The following FHL2 variants were observed in gnomAD, a reference collection of about 807,000 sequenced individuals.
The protein encoded by FHL2 is four and a half LIM domains protein 2.
FHL2 carries 20 observed loss-of-function variants against 32.7 expected under a neutral mutation model. The observed-to-expected ratio is 0.61, with a 90% CI of 0.43 to 0.89. FHL2 has a LOEUF of 0.89. Among genes scored for constraint, FHL2 ranks in the 40% least tolerant of loss-of-function variants. The probability of loss-of-function intolerance (pLI) is 0.00; values close to 1 mark genes in which losing one functional copy is unlikely to be tolerated. For synonymous variants in FHL2, 123 were observed against 128.1 expected, an observed-to-expected ratio of 0.96 and a Z score of 0.27; for missense variants, 311 against 358.6, an observed-to-expected ratio of 0.87 and a Z score of 1.07.
At chr2:105,389,242 G>T (rs932281037) in intron 2 of FHL2, among the ~76,000 whole-genome samples, 1 of 152,220 alleles carries the variant, frequency 6.6e-6, no homozygotes, top group African/African-American at 2.4e-5. Context: ...TTGAGCACTT[G>T]AATTATTATT....
intron 1 of FHL2, among the ~76,000 whole-genome samples, chr2:105,436,548 C>G (rs11883779): frequency 6.6e-6 from 1 of 151,692 alleles, no homozygotes; most frequent in Non-Finnish European, 1.5e-5. Context: ...TAGCAAATAA[C>G]TTGATTTATA....
intron 1 of FHL2, among the ~76,000 whole-genome samples, chr2:105,397,533 T>C (rs972977266): frequency 6.6e-6 from 1 of 152,178 alleles, no homozygotes; most frequent in African/African-American, 2.4e-5. Flanking sequence ...CCTAGCCTAC[T>C]GCATCTGCCT....
chr2:105,437,482 C>T (rs980124339), intron 1 of FHL2, among the ~76,000 whole-genome samples: 1 of 152,040 alleles, frequency 6.6e-6, no homozygotes, highest in Non-Finnish European at 1.5e-5. Flanking sequence ...ATAATATTCC[C>T]AAGAAACAAA....
chr2:105,386,329 G>C, intron 3 of FHL2, 32 bp downstream of exon 3: 1 of 1,607,414 alleles, frequency 6.2e-7, no homozygotes, highest in Non-Finnish European at 8.5e-7. Flanking sequence ...CTAGGGGAGC[G>C]CCGGGGACCC....
At chr2:105,389,069 T>C (rs1682534672) in intron 2 of FHL2, among the ~76,000 whole-genome samples, 1 of 152,240 alleles carries the variant, frequency 6.6e-6, no homozygotes, top group South Asian at 2.1e-4. Context: ...CTTTCAAGAA[T>C]TCATTCTTGG....
intron 4 of FHL2, among the ~76,000 whole-genome samples, chr2:105,369,690 T>C (rs953473813): frequency 2.6e-5 from 4 of 152,232 alleles, no homozygotes; most frequent in Non-Finnish European, 4.4e-5. Flanking sequence ...TTCTTCAACC[T>C]CCATGCATAC....
chr2:105,426,464 G>C (rs544693243), intron 1 of FHL2, among the ~76,000 whole-genome samples: 2 of 152,306 alleles, frequency 1.3e-5, no homozygotes, highest in East Asian at 3.9e-4. Context: ...TTTGCAGTTT[G>C]CTTTTATCTC....
intron 1 of FHL2, among the ~76,000 whole-genome samples, chr2:105,420,590 G>C (rs977192414): frequency 2.6e-5 from 4 of 152,090 alleles, no homozygotes; most frequent in Middle Eastern, 3.2e-3. Flanking sequence ...AACAGATGTG[G>C]GGCAGAGAGA....
chr2:105,396,906 G>A, intron 1 of FHL2: 1 of 558,878 alleles, frequency 1.8e-6, no homozygotes, highest in Non-Finnish European at 3.1e-6. Flanking sequence ...GAGCCGCTTA[G>A]CGACTCAGGC....
intron 1 of FHL2, 62 bp from the exon 2 acceptor site, chr2:105,396,759 T>C (rs11891016): frequency 0.68 from 1,006,628 of 1,484,882 alleles, 341,740 homozygotes; most frequent in Admixed American, 0.78. Context: ...CTCAGTATAA[T>C]GCAACTTGAG....
chr2:105,419,291 T>G (rs566139957), intron 1 of FHL2, among the ~76,000 whole-genome samples: 2 of 152,200 alleles, frequency 1.3e-5, no homozygotes, highest in African/African-American at 2.4e-5. Context: ...TTTGTGAAAT[T>G]TGGGTGCACC....
At chr2:105,408,099 G>A (rs1227440271) in intron 1 of FHL2, among the ~76,000 whole-genome samples, 3 of 152,124 alleles carry the variant, frequency 2.0e-5, no homozygotes, top group African/African-American at 7.2e-5. Flanking sequence ...TGTGGAAGCA[G>A]GCCTACTTGC....
At chr2:105,397,891 T>G (rs1023199629) in intron 1 of FHL2, among the ~76,000 whole-genome samples, 1 of 60,270 alleles carries the variant, frequency 1.7e-5, no homozygotes, top group African/African-American at 4.4e-5. Context: ...GTTTTTTGTT[T>G]TTTTTTGTCT....
intron 1 of FHL2, among the ~76,000 whole-genome samples, chr2:105,417,531 A>G (rs1158191520): frequency 6.6e-6 from 1 of 151,776 alleles, no homozygotes. Flanking sequence ...TAAAATACAG[A>G]AAATTAGCCA....
intron 1 of FHL2, among the ~76,000 whole-genome samples, chr2:105,404,315 A>G (rs1320897695): frequency 2.6e-5 from 4 of 152,220 alleles, no homozygotes; most frequent in Non-Finnish European, 4.4e-5. Flanking sequence ...TAATTGCCTC[A>G]CATGGTTGGA....
At position 105,421,732 on chromosome 2, in the gene FHL2, A is replaced by G. The variant is rs1339036562; in HGVS notation, c.-25+16667T>C. Among the ~76,000 whole-genome samples, 41 of 152,216 alleles carry G rather than the reference A, an allele frequency of 2.7e-4. 2 individuals carry two copies. The highest frequency in any genetic ancestry group is 2.7e-3 in the Admixed American group (41 of 15,282). On this transcript the variant is annotated intron_variant, in intron 1 of 5. Coordinates refer to the FHL2 transcript ENST00000393352. The stretch of plus-strand genomic sequence containing the variant: ...GTTATACTATGGCTTGCATTGACCA[A>G]GAGAGGTATCCCAGCCTCATGACAC...
upstream of FHL2, chr2:105,399,184 G>A: frequency 7.1e-7 from 1 of 1,409,290 alleles, no homozygotes; most frequent in Non-Finnish European, 9.1e-7. Flanking sequence ...CGCGGTTGCC[G>A]TGCCCCCGCC....
intron 1 of FHL2, among the ~76,000 whole-genome samples, chr2:105,418,317 A>G (rs982669000): frequency 6.6e-6 from 1 of 152,154 alleles, no homozygotes; most frequent in Admixed American, 6.5e-5. Context: ...CCAGGCAGAT[A>G]AGCACCAGGG....
At chr2:105,416,728 T>G (rs1425458072) in intron 1 of FHL2, among the ~76,000 whole-genome samples, 1 of 152,246 alleles carries the variant, frequency 6.6e-6, no homozygotes, top group African/African-American at 2.4e-5. Flanking sequence ...CAGTAATTGA[T>G]ATCACCATCC....
Sources: allele counts gnomAD v4.1 joint callset (sites outside exome capture counted in the v4.1 genomes callset), GRCh38; gene constraint gnomAD v4.1.1; transcripts MANE v1.5; gene names NCBI Gene and HGNC (gene_info 2026-07-23, HGNC 2026-07-21).